The following BNC2 variants were observed in gnomAD, a reference collection of about 807,000 sequenced individuals.
BNC2 encodes zinc finger protein basonuclin-2.
Under a neutral mutation model 76.3 loss-of-function variants are expected in BNC2, and 20 were observed. That is an observed-to-expected ratio of 0.26 (90% CI 0.18 to 0.38). The LOEUF is 0.38. Ranked by LOEUF, BNC2 falls within the 10% of genes least tolerant of loss-of-function variation. BNC2 has a pLI of 1.00. For missense variants in BNC2, 1,382 were observed against 1,399.8 expected, an observed-to-expected ratio of 0.99 and a Z score of 0.20; for synonymous variants, 582 against 514.8, an observed-to-expected ratio of 1.13 and a Z score of -1.77.
intron 5 of BNC2, among the ~76,000 whole-genome samples, chr9:16,552,174 C>A (rs894004840): frequency 6.6e-6 from 1 of 152,122 alleles, no homozygotes; most frequent in Admixed American, 6.5e-5. Context: ...GAAGGGTAAT[C>A]TCAGATTTTC....
At chr9:16,516,695 G>C (rs990493574) in intron 5 of BNC2, among the ~76,000 whole-genome samples, 4 of 151,620 alleles carry the variant, frequency 2.6e-5, no homozygotes, top group Admixed American at 2.0e-4. Flanking sequence ...AAAGTCATTT[G>C]AAAAATCTCT....
intron 3 of BNC2, among the ~76,000 whole-genome samples, chr9:16,701,884 G>C (rs1823524884): frequency 7.1e-6 from 1 of 140,894 alleles, no homozygotes; most frequent in Admixed American, 7.7e-5. Context: ...GGAGGCTGCA[G>C]TGAGCCAAGA....
At chr9:16,471,832 C>T (rs1299682431) in intron 5 of BNC2, among the ~76,000 whole-genome samples, 1 of 152,104 alleles carries the variant, frequency 6.6e-6, no homozygotes, top group Non-Finnish European at 1.5e-5. Context: ...TCCCAGAATT[C>T]CCACATGTTG....
At chr9:16,797,575 A>G (rs978082154) in intron 1 of BNC2, among the ~76,000 whole-genome samples, 10 of 152,194 alleles carry the variant, frequency 6.6e-5, no homozygotes, top group Non-Finnish European at 1.2e-4. Flanking sequence ...AATATCACCT[A>G]GCTGGAGGCT....
intron 3 of BNC2, among the ~76,000 whole-genome samples, chr9:16,605,820 G>A (rs1037697336): frequency 6.6e-5 from 8 of 121,628 alleles, no homozygotes; most frequent in Admixed American, 3.0e-4. Flanking sequence ...ACATGGTCCC[G>A]TTCTGTCACC....
chr9:16,469,504 G>GT (rs1821773672), intron 5 of BNC2, among the ~76,000 whole-genome samples: 2 of 152,210 alleles, frequency 1.3e-5, no homozygotes, highest in South Asian at 4.1e-4. Flanking sequence ...ATGGGGAACT[G>GT]TAAGTCCAAT....
Position 16,838,385 on chromosome 9 carries a change from T to A in BNC2, c.3+32261A>T, listed in dbSNP as rs140122078. On this transcript the variant is annotated intron_variant, in intron 1 of 6. Transcript: ENST00000380672. Reference sequence around the variant, plus strand: ...GCCTGGCCAACATGGAGAAACCCCATCTCTACTAAAAAGAAAAAATACAAA... The same window carrying A: ...GCCTGGCCAACATGGAGAAACCCCAACTCTACTAAAAAGAAAAAATACAAA... 2.7e-3 allele frequency among the ~76,000 whole-genome samples: 413 copies of A among 152,100 alleles called. 2 individuals are homozygous for A. Among genetic ancestry groups the A allele is most frequent in the African/African-American group, 9.5e-3 (396 of 41,476 alleles).
At position 16,811,245 on chromosome 9, in the gene BNC2, C is replaced by A. The variant is rs149278384; in HGVS notation, c.3+59401G>T. 7.9e-3 allele frequency among the ~76,000 whole-genome samples: 432 copies of A among 54,958 alleles called. 10 individuals are homozygous for A. The highest frequency in any genetic ancestry group is 0.047 in the Admixed American group (297 of 6,372). 36.1% of individuals were successfully genotyped at this position (54,958 alleles called of 152,430 possible). On this transcript the variant is annotated intron_variant, in intron 1 of 6. Transcript: ENST00000380672. ...CTCAAAAGACCAAAAAAAAAAAAAA[C>A]CAAAAAAACCACAGTGTATAGGGGG... is the stretch of plus-strand genomic sequence containing the variant.
chr9:16,507,669 C>A (rs761944052), intron 5 of BNC2, among the ~76,000 whole-genome samples: 2 of 152,070 alleles, frequency 1.3e-5, no homozygotes, highest in East Asian at 3.9e-4. Flanking sequence ...CCTTGTGATC[C>A]GCCTGCCTTG....
At chr9:16,441,388 G>T (rs1160979400) in intron 5 of BNC2, among the ~76,000 whole-genome samples, 8 of 152,192 alleles carry the variant, frequency 5.3e-5, no homozygotes. Flanking sequence ...GAAACAAATT[G>T]ATCTTACACA....
chr9:16,551,003 T>C (rs12005674), intron 5 of BNC2, among the ~76,000 whole-genome samples: 5,668 of 152,236 alleles, frequency 0.037, 371 homozygotes, highest in African/African-American at 0.13. Context: ...CTGATTTATT[T>C]TTCCTGGCCC....
At chr9:16,661,148 C>G (rs1249327385) in intron 3 of BNC2, among the ~76,000 whole-genome samples, 1 of 152,196 alleles carries the variant, frequency 6.6e-6, no homozygotes, top group Non-Finnish European at 1.5e-5. Flanking sequence ...CTAGGGGTTC[C>G]TTTCTTCATT....
chr9:16,811,552 C>CAAAAAAAAA (rs1179927173), intron 1 of BNC2, among the ~76,000 whole-genome samples: 2 of 58,032 alleles, frequency 3.4e-5, no homozygotes, highest in Non-Finnish European at 2.8e-5. Context: ...AACTCCATCT[C>CAAAAAAAAA]AAAAAAAAAA....
intron 1 of BNC2, among the ~76,000 whole-genome samples, chr9:16,744,100 A>G (rs536580078): frequency 2.2e-4 from 33 of 152,100 alleles, no homozygotes; most frequent in South Asian, 6.2e-4. Context: ...CCGAGTAGCT[A>G]GGACTACAGG....
intron 5 of BNC2, among the ~76,000 whole-genome samples, chr9:16,474,488 T>A (rs1043521021): frequency 1.3e-5 from 2 of 151,948 alleles, no homozygotes; most frequent in African/African-American, 4.8e-5. Context: ...ATAGAGGAGG[T>A]GACAAAGAGG....
At chr9:16,579,284 AT>A (rs901466512) in intron 4 of BNC2, among the ~76,000 whole-genome samples, 5 of 149,404 alleles carry the variant, frequency 3.3e-5, no homozygotes, top group South Asian at 2.1e-4. Context: ...TTAATTTATT[AT>A]TTTTTTTTTA....
intron 5 of BNC2, among the ~76,000 whole-genome samples, chr9:16,526,463 A>T (rs946242983): frequency 1.8e-4 from 23 of 130,418 alleles, no homozygotes; most frequent in African/African-American, 4.9e-4. Context: ...AACATAGTTT[A>T]ATGCTTTTTT....
intron 1 of BNC2, among the ~76,000 whole-genome samples, chr9:16,755,370 C>T (rs1229266697): frequency 6.6e-6 from 1 of 152,086 alleles, no homozygotes; most frequent in Admixed American, 6.5e-5. Flanking sequence ...ACCCTATTAA[C>T]AGAAAAGGGC....
At chr9:16,702,445 G>A (rs141079237) in intron 3 of BNC2, among the ~76,000 whole-genome samples, 2 of 151,294 alleles carry the variant, frequency 1.3e-5, no homozygotes, top group East Asian at 3.9e-4. Context: ...AGAAATGATA[G>A]CATCACTCTG....
Sources: gnomAD v4.1 joint callset for allele counts (sites outside exome capture counted in the v4.1 genomes callset) on GRCh38, gnomAD v4.1.1 for gene constraint, MANE v1.5 for transcripts, NCBI Gene and HGNC (gene_info 2026-07-23, HGNC 2026-07-21) for gene names.